GNA12: variants seen among roughly 807,000 people sequenced by gnomAD.
GNA12 encodes the protein guanine nucleotide-binding protein subunit alpha-12.
A neutral mutation model predicts 26.0 loss-of-function variants in GNA12; 9 were observed. The ratio of observed to expected loss-of-function variants is 0.35; its 90% CI spans 0.21 to 0.60. GNA12 has a LOEUF of 0.60. GNA12 is among the 20% of genes least tolerant of loss of function. The pLI is 0.78. For synonymous variants in GNA12, 264 were observed against 219.6 expected (o/e 1.20, Z -1.79); for missense variants, 405 against 525.8 (o/e 0.77, Z 2.25).
intron 2 of GNA12, among the ~76,000 whole-genome samples, chr7:2,773,547 G>C (rs554404092): frequency 7.9e-5 from 12 of 152,240 alleles, no homozygotes; most frequent in Non-Finnish European, 1.6e-4. Context: ...GGGCGACAGA[G>C]TGAGACTCAG....
At chr7:2,735,056 C>G (rs1790096080) in intron 2 of GNA12, among the ~76,000 whole-genome samples, 1 of 152,244 alleles carries the variant, frequency 6.6e-6, no homozygotes, top group Non-Finnish European at 1.5e-5. Flanking sequence ...CTCTGCACAT[C>G]ATGCCTCCTT....
chr7:2,777,039 C>T (rs192684529), intron 2 of GNA12, among the ~76,000 whole-genome samples: 1 of 152,196 alleles, frequency 6.6e-6, no homozygotes, highest in Admixed American at 6.5e-5. Context: ...CTGGGGTTCA[C>T]GGTGACTGCA....
intron 2 of GNA12, among the ~76,000 whole-genome samples, chr7:2,784,216 C>A (rs1752184433): frequency 6.6e-6 from 1 of 152,206 alleles, no homozygotes; most frequent in Non-Finnish European, 1.5e-5. Flanking sequence ...CTCCCAGGCT[C>A]ATGGGATCCT....
At chr7:2,756,857 G>C (rs1159866803) in intron 2 of GNA12, among the ~76,000 whole-genome samples, 2 of 152,058 alleles carry the variant, frequency 1.3e-5, no homozygotes, top group South Asian at 2.1e-4. Context: ...AGGATCCCTT[G>C]AGCCCAGGCC....
intron 2 of GNA12, among the ~76,000 whole-genome samples, chr7:2,750,482 G>T (rs369175793): frequency 6.6e-6 from 1 of 152,180 alleles, no homozygotes. Context: ...TATCTATATT[G>T]TTTTTCCCTT....
chr7:2,753,165 T>C (rs531179879), intron 2 of GNA12, among the ~76,000 whole-genome samples: 1 of 147,072 alleles, frequency 6.8e-6, no homozygotes, highest in South Asian at 2.2e-4. Flanking sequence ...TTTTTTTTTT[T>C]AAAAAAAGAG....
At position 2,795,038 on chromosome 7, in the gene GNA12, C is replaced by A. The variant is rs1163400593; in HGVS notation, c.415G>T (p.Gly139Trp). ...MFLMAFENKA[G>W]LPVEPATFQL... is the part of the protein sequence containing the mutation. ...AAGGTGGCCGGCTCCACAGGCAGCCCCGCCTTGTTCTCGAAGGCCATCAGG... is the reference window on the plus strand; with the variant it reads ...AAGGTGGCCGGCTCCACAGGCAGCCACGCCTTGTTCTCGAAGGCCATCAGG... Residue 139 changes from glycine (G) to tryptophan (W), a missense_variant, in exon 2 of 4, where the codon GGG becomes TGG. By Grantham distance (184) the Gly-to-Trp change is radical. Transcript: ENST00000275364. 2 of 1,613,976 alleles carry A rather than the reference C, an allele frequency of 1.2e-6. No homozygotes were observed. The highest frequency in any genetic ancestry group is 1.7e-6 in the Non-Finnish European group (2 of 1,179,846).
At chr7:2,796,576 G>A (rs530280820) in intron 1 of GNA12, among the ~76,000 whole-genome samples, 5 of 152,310 alleles carry the variant, frequency 3.3e-5, no homozygotes, top group Non-Finnish European at 5.9e-5. Flanking sequence ...CAGCAGTCAT[G>A]AGACAGGAAA....
rs900970402 is a variant in GNA12 at position 2,789,325 on chromosome 7, C to T, written c.525+5603G>A. The stretch of plus-strand genomic sequence containing the variant: ...TAATTTTTTGTATTTTTAGTAGAGA[C>T]GGGGTTTCACCGTTTTAGCCGGGAT... On this transcript the variant is annotated intron_variant, in intron 2 of 3. Transcript: ENST00000275364. Among the ~76,000 whole-genome samples the T allele has an allele frequency of 1.0e-4, 15 of 147,432 alleles. 1 individual carries two copies. Among genetic ancestry groups the T allele is most frequent in the East Asian group, 2.0e-4 (1 of 5,020 alleles).
chr7:2,814,546 CTGGGAAG>C (rs1793169194), intron 1 of GNA12, among the ~76,000 whole-genome samples: 1 of 151,946 alleles, frequency 6.6e-6, no homozygotes, highest in Non-Finnish European at 1.5e-5. Context: ...GAAGTCTTTA[CTGGGAAG>C]GCCTTCTCAG....
chr7:2,740,938 A>G (rs549537327), intron 2 of GNA12, among the ~76,000 whole-genome samples: 2 of 152,148 alleles, frequency 1.3e-5, no homozygotes, highest in Non-Finnish European at 2.9e-5. Flanking sequence ...CCAGCTACTC[A>G]GGAAGCTAAG....
At chr7:2,830,083 C>G (rs1169095215) in intron 1 of GNA12, among the ~76,000 whole-genome samples, 1 of 152,204 alleles carries the variant, frequency 6.6e-6, no homozygotes, top group African/African-American at 2.4e-5. Context: ...TTTGAGTGTT[C>G]TCCCCGAACT....
At chr7:2,758,196 C>T (rs191928636) in intron 2 of GNA12, among the ~76,000 whole-genome samples, 33 of 152,294 alleles carry the variant, frequency 2.2e-4, no homozygotes, top group Non-Finnish European at 3.7e-4. Flanking sequence ...TCGATGCTTA[C>T]AGTATTAGAA....
chr7:2,815,015 T>A (rs1425481533), intron 1 of GNA12: 1 of 1,523,508 alleles, frequency 6.6e-7, no homozygotes, highest in African/African-American at 1.4e-5. Context: ...TCTCGCCCCT[T>A]CCACCCAATC....
intron 1 of GNA12, among the ~76,000 whole-genome samples, chr7:2,816,107 C>T (rs1192450179): frequency 4.6e-5 from 7 of 152,184 alleles, no homozygotes; most frequent in African/African-American, 1.4e-4. Flanking sequence ...GCAGGGAAAA[C>T]GGTAAACAAC....
At chr7:2,757,926 A>T (rs1265619866) in intron 2 of GNA12, among the ~76,000 whole-genome samples, 1 of 152,182 alleles carries the variant, frequency 6.6e-6, no homozygotes, top group African/African-American at 2.4e-5. Context: ...CGCTGTCCCC[A>T]CATCAGAATA....
intron 2 of GNA12, among the ~76,000 whole-genome samples, chr7:2,737,294 T>TG (rs1220847286): frequency 4.3e-5 from 5 of 117,112 alleles, no homozygotes; most frequent in Admixed American, 1.8e-4. Context: ...TTTTTGTTTT[T>TG]TTTTTTTTTT....
chr7:2,822,117 G>A (rs537026918), intron 1 of GNA12, among the ~76,000 whole-genome samples: 2 of 152,278 alleles, frequency 1.3e-5, no homozygotes, highest in Admixed American at 6.5e-5. Context: ...GCTAAAAAAC[G>A]TTAGAATGTG....
At chr7:2,832,599 A>G (rs1182185) in intron 1 of GNA12, among the ~76,000 whole-genome samples, 42,970 of 152,056 alleles carry the variant, frequency 0.28, 6,301 homozygotes, top group Non-Finnish European at 0.3. Flanking sequence ...TTGATTACCC[A>G]TGCCTGGCAC....
Sources: gnomAD v4.1 joint callset for allele counts (sites outside exome capture counted in the v4.1 genomes callset) on GRCh38, gnomAD v4.1.1 for gene constraint, MANE v1.5 for transcripts, NCBI Gene and HGNC (gene_info 2026-07-23, HGNC 2026-07-21) for gene names.